The following ARHGEF16 variants were observed in gnomAD, a reference collection of about 807,000 sequenced individuals.
The protein encoded by ARHGEF16 is Rho guanine exchange factor (GEF) 16.
Under a neutral mutation model 74.1 loss-of-function variants are expected in ARHGEF16, and 59 were observed. That is an observed-to-expected ratio of 0.80 (90% CI 0.65 to 0.99). The LOEUF (loss-of-function observed/expected upper bound fraction) is 0.99. Ranked by LOEUF, ARHGEF16 falls within the 50% of genes least tolerant of loss-of-function variation. The pLI is 0.00. For synonymous variants in ARHGEF16, 415 were observed against 412.6 expected (o/e 1.01, Z -0.07); for missense variants, 948 against 986.6 (o/e 0.96, Z 0.52).
At chr1:3,469,635 G>A in intron 6 of ARHGEF16, 42 bp downstream of exon 6, 2 of 1,608,880 alleles carry the variant, frequency 1.2e-6, no homozygotes, top group Non-Finnish European at 1.7e-6. Flanking sequence ...TCCTCTGCCA[G>A]GAAGGTGCCT....
chr1:3,461,200 T>C (rs1482749289), intron 1 of ARHGEF16, among the ~76,000 whole-genome samples: 3 of 152,366 alleles, frequency 2.0e-5, no homozygotes, highest in South Asian at 2.1e-4. Context: ...AGGGAAAGAA[T>C]GAAAGCAGCG....
At chr1:3,470,462 G>GGTGTGTGCATGGAT (rs1335971019) in intron 6 of ARHGEF16, among the ~76,000 whole-genome samples, 1 of 150,308 alleles carries the variant, frequency 6.7e-6, no homozygotes, top group African/African-American at 2.5e-5. Flanking sequence ...TGTGTGCGCG[G>GGTGTGTGCATGGAT]GTGTGTGCAT....
chr1:3,479,725 C>T (rs1012892605), intron 13 of ARHGEF16, 87 bp from the exon 14 acceptor site: 10 of 1,565,758 alleles, frequency 6.4e-6, no homozygotes, highest in African/African-American at 5.4e-5. Context: ...GCCCCGGCCC[C>T]GGGGGATGTG....
rs1013399300 is a variant in ARHGEF16 at position 3,461,893 on chromosome 1, C to T, written c.-19-1173C>T. The stretch of plus-strand genomic sequence containing the variant: ...GCTCTCCACATTCCTACCTGGCAGG[C>T]ACGTATGTCCCAAAGCCAGTCTCAG... On this transcript the variant is annotated intron_variant, in intron 1 of 14. Transcript: ENST00000378378. Among the ~76,000 whole-genome samples, 2 of 152,208 alleles carry T rather than the reference C, an allele frequency of 1.3e-5. 1 individual carries two copies. Among genetic ancestry groups the T allele is most frequent in the Middle Eastern group, 6.3e-3 (2 of 316 alleles).
rs1439623433 is a variant in ARHGEF16 at position 3,480,800 on chromosome 1, G to A, written c.*213G>A. 1.5e-6 allele frequency: 1 copy of A among 669,740 alleles called. No homozygotes were observed. The highest frequency in any genetic ancestry group is 2.5e-6 in the Non-Finnish European group (1 of 407,722). 41.5% of individuals were successfully genotyped at this position (669,740 alleles called of 1,614,324 possible). ...GGCACCCCCAGGCAAGCTCGAGGGG[G>A]CCACACCGTGTCCCAGGGAGCCCAG... On this transcript the variant is annotated 3_prime_UTR_variant, in exon 15 of 15. Transcript: ENST00000378378.
chr1:3,469,528 C>T lies in ARHGEF16; in HGVS notation c.957C>T (p.Thr319=), dbSNP rs150290426. Residue 319 remains threonine, a synonymous_variant, in exon 6 of 15, where the codon ACC becomes ACT. Coordinates refer to ENST00000378378, the MANE Select transcript of ARHGEF16 (RefSeq NM_014448.4). ...EFLQSKELRA[T]VTQMEHHHLF... ...TGCAGTCCAAGGAGCTGCGGGCGAC[C>T]GTGACCCAGATGGAGCACCACCACC... 5.7e-4 allele frequency: 925 copies of T among 1,613,158 alleles called. 6 individuals are homozygous for T. In the African/African-American group the frequency reaches 0.011, roughly 19 times the overall value.
At chr1:3,473,544 G>C (rs756213125) in intron 8 of ARHGEF16, 22 bp downstream of exon 8, 11 of 1,602,724 alleles carry the variant, frequency 6.9e-6, no homozygotes, top group Non-Finnish European at 8.5e-7. Flanking sequence ...GCCTGAGGGT[G>C]GGGCCGGGCA....
intron 1 of ARHGEF16, among the ~76,000 whole-genome samples, chr1:3,459,980 G>A (rs538513576): frequency 1.3e-5 from 2 of 152,342 alleles, no homozygotes; most frequent in South Asian, 4.1e-4. Flanking sequence ...GTGGAAGAGG[G>A]GACGCTGGGT....
At position 3,481,103 on chromosome 1, in the gene ARHGEF16, TTTC is replaced by T. The variant is rs1640048688; in HGVS notation, c.*519_*521del. On this transcript the variant is annotated 3_prime_UTR_variant, in exon 15 of 15. Transcript: ENST00000378378. ...GAGGTTTCTAAATACATTAAAGTTA[TTTC>T]TTAAGAACCTGGATTTTCACAGTGA... 6.5e-6 allele frequency: 1 copy of T among 153,454 alleles called. No individual in the cohort carries two copies. Among genetic ancestry groups the T allele is most frequent in the Non-Finnish European group, 1.4e-5 (1 of 68,990 alleles). The allele number at this position is 153,454 out of a possible 1,614,324, so 9.5% of individuals were successfully genotyped here.
intron 2 of ARHGEF16, chr1:3,465,870 C>T (rs901923464): frequency 9.7e-5 from 44 of 452,648 alleles, no homozygotes; most frequent in Admixed American, 2.1e-4. Context: ...TGCCCTGCCA[C>T]GGGCCTGCTC....
chr1:3,454,836 G>A, intron 1 of ARHGEF16, 25 bp downstream of exon 1: 1 of 152,348 alleles, frequency 6.6e-6, no homozygotes, highest in Non-Finnish European at 1.5e-5. Context: ...CAGGTGAGCC[G>A]GGGGACAGGT....
intron 4 of ARHGEF16, 23 bp downstream of exon 4, chr1:3,467,360 G>A: frequency 6.5e-7 from 1 of 1,539,770 alleles, no homozygotes; most frequent in East Asian, 2.5e-5. Flanking sequence ...GGTGGGTGAG[G>A]CTGCCCCACA....
rs765342825 is a variant in ARHGEF16, at chr1:3,466,155, T to TG, written c.600dup (p.Arg201GlufsTer31). ...TGTCTCTCTTTTGTGCAGAAGACGC[T>TG]GGGGAGGAAACGTGGGCACAAGGGT... is the stretch of plus-strand genomic sequence containing the variant. On this transcript the variant is annotated frameshift_variant, in exon 3 of 15. Coordinates refer to ENST00000378378, the MANE Select transcript of ARHGEF16 (RefSeq NM_014448.4). LOFTEE classifies it high-confidence loss of function. The TG allele has an allele frequency of 1.1e-4, 166 of 1,548,034 alleles. 1 individual carries two copies. The highest frequency in any genetic ancestry group is 1.0e-3 in the Middle Eastern group (6 of 5,998).
chr1:3,473,656 G>A (rs768486096), intron 8 of ARHGEF16, 134 bp downstream of exon 8: 23 of 1,403,642 alleles, frequency 1.6e-5, no homozygotes, highest in Middle Eastern at 3.6e-4. Flanking sequence ...TAATAGTTAC[G>A]ATCCTAAGAT....
intron 1 of ARHGEF16, among the ~76,000 whole-genome samples, chr1:3,457,187 C>G (rs1009698795): frequency 6.6e-6 from 1 of 152,238 alleles, no homozygotes; most frequent in Non-Finnish European, 1.5e-5. Flanking sequence ...AAGTCCTCCC[C>G]CCGATTATGT....
intron 1 of ARHGEF16, among the ~76,000 whole-genome samples, chr1:3,458,618 G>A (rs562015175): frequency 1.6e-4 from 25 of 152,326 alleles, no homozygotes; most frequent in East Asian, 7.7e-4. Flanking sequence ...TGGACCTCCC[G>A]CCATCATAAG....
intron 4 of ARHGEF16, 86 bp downstream of exon 4, chr1:3,467,423 G>T (rs1639579278): frequency 7.0e-7 from 1 of 1,426,460 alleles, no homozygotes; most frequent in Non-Finnish European, 9.3e-7. Context: ...AGCCCAGGCG[G>T]CTGGTCCCCA....
intron 1 of ARHGEF16, among the ~76,000 whole-genome samples, 160 bp downstream of exon 1, chr1:3,454,971 A>G (rs1639232549): frequency 6.6e-6 from 1 of 150,606 alleles, no homozygotes; most frequent in African/African-American, 2.5e-5. Flanking sequence ...CAACTTCGCG[A>G]CCCTCCTGGG....
At chr1:3,471,906 TC>T in intron 6 of ARHGEF16, 1 of 891,132 alleles carries the variant, frequency 1.1e-6, no homozygotes, top group Non-Finnish European at 1.4e-6. Flanking sequence ...GCCCTGCTCA[TC>T]CAGCAACCGA....
Sources: gnomAD v4.1 joint callset for allele counts (sites outside exome capture counted in the v4.1 genomes callset) on GRCh38, gnomAD v4.1.1 for gene constraint, MANE v1.5 for transcripts, NCBI Gene and HGNC (gene_info 2026-07-23, HGNC 2026-07-21) for gene names.